KHDRBS2: variants seen among roughly 807,000 people sequenced by gnomAD.
KHDRBS2 encodes KH RNA binding domain containing, signal transduction associated 2.
In KHDRBS2, 26 loss-of-function variants were observed where a neutral mutation model predicts 44.3. That is an observed-to-expected ratio of 0.59 (90% CI 0.43 to 0.81). The LOEUF is 0.81. KHDRBS2 is among the 40% of genes least tolerant of loss of function. KHDRBS2 has a pLI of 0.00. For missense variants in KHDRBS2, 476 were observed against 433.1 expected, an observed-to-expected ratio of 1.10 and a Z score of -0.88; for synonymous variants, 194 against 151.1, an observed-to-expected ratio of 1.28 and a Z score of -2.08.
chr6:61,806,378 A>G (rs900880392), intron 6 of KHDRBS2, among the ~76,000 whole-genome samples: 9 of 152,134 alleles, frequency 5.9e-5, no homozygotes, highest in Admixed American at 2.0e-4. Context: ...AGGTCCTGAG[A>G]ATACATAAAA....
At chr6:61,562,208 T>C in the KHDRBS2 span, among the ~76,000 whole-genome samples, 1 of 152,200 alleles carries the variant, frequency 6.6e-6, no homozygotes, top group Admixed American at 6.5e-5. Flanking sequence ...TCTGTGAAGA[T>C]GTGATGTTTA....
chr6:61,616,025 G>A, the KHDRBS2 span, among the ~76,000 whole-genome samples: 1 of 152,092 alleles, frequency 6.6e-6, no homozygotes, highest in Admixed American at 6.6e-5. Flanking sequence ...TCTTCAGAAT[G>A]TCACTATTTC....
At chr6:61,930,523 TAAAAAAAAAAAAAAAAAAAAAAGA>T (rs1304240972) in intron 4 of KHDRBS2, among the ~76,000 whole-genome samples, 28 of 39,240 alleles carry the variant, frequency 7.1e-4, no homozygotes, top group African/African-American at 2.1e-3. Context: ...ATACCGCCCC[TAAAAAAAAAAAAAAAAAAAAAAGA>T]AAAAAAAAAA....
At chr6:62,153,182 A>C (rs1815598151) in intron 2 of KHDRBS2, among the ~76,000 whole-genome samples, 1 of 152,212 alleles carries the variant, frequency 6.6e-6, no homozygotes. Context: ...TAAACTATGA[A>C]TGAATTGAAC....
chr6:61,858,250 G>T (rs970623818), intron 6 of KHDRBS2, among the ~76,000 whole-genome samples: 10 of 141,408 alleles, frequency 7.1e-5, no homozygotes, highest in African/African-American at 2.5e-4. Context: ...TGCAATTTAA[G>T]AAAAAAAAAA....
intron 6 of KHDRBS2, 59 bp downstream of exon 6, chr6:61,894,576 T>C (rs1802559154): frequency 7.3e-7 from 1 of 1,372,554 alleles, no homozygotes; most frequent in African/African-American, 1.4e-5. Context: ...GTTTGAGACG[T>C]AGCTTGTTAA....
intron 1 of KHDRBS2, among the ~76,000 whole-genome samples, chr6:62,234,107 A>T (rs950349753): frequency 6.6e-6 from 1 of 152,160 alleles, no homozygotes. Context: ...ATAACTGCCT[A>T]TAATAATCAT....
intron 3 of KHDRBS2, among the ~76,000 whole-genome samples, chr6:61,982,646 G>A (rs1774088278): frequency 6.6e-6 from 1 of 150,856 alleles, no homozygotes; most frequent in Non-Finnish European, 1.5e-5. Flanking sequence ...ACTCCAGCCT[G>A]GGCGACAGAG....
the KHDRBS2 span, among the ~76,000 whole-genome samples, chr6:61,550,304 T>G: frequency 6.6e-6 from 1 of 152,176 alleles, no homozygotes; most frequent in Admixed American, 6.5e-5. Flanking sequence ...GGTATTTGGT[T>G]TTCTGTTCCT....
rs1469592330 is a variant in KHDRBS2 at position 62,212,530 on chromosome 6, G to A, written c.92-35218C>T. On this transcript the variant is annotated intron_variant, in intron 1 of 8. Coordinates refer to ENST00000281156, the MANE Select transcript of KHDRBS2 (RefSeq NM_152688.4). The stretch of plus-strand genomic sequence containing the variant: ...AATAGTATTATTGGAGTTGTAGTTA[G>A]TAAAGTTAAAAGGATAAGGCCATAT... Among the ~76,000 whole-genome samples the A allele has an allele frequency of 2.0e-5, 3 of 152,066 alleles. No homozygotes were observed. In the East Asian group the frequency reaches 5.8e-4, roughly 29 times the overall value.
chr6:62,037,430 A>T (rs1371439620), intron 3 of KHDRBS2, among the ~76,000 whole-genome samples: 1 of 151,954 alleles, frequency 6.6e-6, no homozygotes, highest in Non-Finnish European at 1.5e-5. Flanking sequence ...TCTGAAAAAA[A>T]AATATTCTGA....
intron 2 of KHDRBS2, among the ~76,000 whole-genome samples, chr6:62,153,439 C>G (rs1470260159): frequency 1.3e-5 from 2 of 152,118 alleles, no homozygotes; most frequent in South Asian, 2.1e-4. Context: ...TACTGCGATT[C>G]ATATTATGAC....
chr6:62,126,255 T>C (rs1289489613), intron 2 of KHDRBS2, among the ~76,000 whole-genome samples: 4 of 152,164 alleles, frequency 2.6e-5, no homozygotes, highest in Admixed American at 2.6e-4. Flanking sequence ...AGAGATTCCA[T>C]TTCTTATATG....
chr6:61,732,463 C>T (rs112252573), intron 7 of KHDRBS2, among the ~76,000 whole-genome samples: 2 of 152,230 alleles, frequency 1.3e-5, no homozygotes, highest in African/African-American at 4.8e-5. Flanking sequence ...CCATAATCAT[C>T]TAGTCTTAGA....
intron 1 of KHDRBS2, among the ~76,000 whole-genome samples, chr6:62,178,292 G>T (rs1821552087): frequency 6.6e-6 from 1 of 151,470 alleles, no homozygotes; most frequent in Non-Finnish European, 1.5e-5. Context: ...AGCTTTGCTT[G>T]CTCTTGGAAT....
At chr6:62,058,906 G>T (rs1384523000) in intron 2 of KHDRBS2, among the ~76,000 whole-genome samples, 1 of 151,614 alleles carries the variant, frequency 6.6e-6, no homozygotes, top group South Asian at 2.1e-4. Flanking sequence ...TTTATTCAAT[G>T]GACATATTTG....
intron 4 of KHDRBS2, among the ~76,000 whole-genome samples, chr6:61,965,725 G>C (rs1425987577): frequency 3.3e-5 from 5 of 151,838 alleles, no homozygotes; most frequent in Non-Finnish European, 7.4e-5. Context: ...CTGGACTATG[G>C]TAAAGTTGTC....
chr6:62,250,419 T>A (rs1585420945), intron 1 of KHDRBS2, among the ~76,000 whole-genome samples: 2 of 152,002 alleles, frequency 1.3e-5, no homozygotes, highest in Non-Finnish European at 2.9e-5. Context: ...ACTTAAATAG[T>A]GAACTTCTAT....
At chr6:61,884,978 T>C (rs1197740907) in intron 6 of KHDRBS2, among the ~76,000 whole-genome samples, 2 of 152,212 alleles carry the variant, frequency 1.3e-5, no homozygotes, top group East Asian at 3.9e-4. Flanking sequence ...ATTTAAAAAA[T>C]TATGTATCCA....
Sources: allele counts gnomAD v4.1 joint callset (sites outside exome capture counted in the v4.1 genomes callset), GRCh38; gene constraint gnomAD v4.1.1; transcripts MANE v1.5; gene names NCBI Gene and HGNC (gene_info 2026-07-23, HGNC 2026-07-21).